Variants in CDS1 observed in about 807,000 individuals in gnomAD.
The protein encoded by CDS1 is phosphatidate cytidylyltransferase 1.
A neutral mutation model predicts 62.1 loss-of-function variants in CDS1; 41 were observed. That is an observed-to-expected ratio of 0.66 (90% confidence interval 0.51 to 0.86). The LOEUF (loss-of-function observed/expected upper bound fraction) is 0.86. CDS1 is among the 40% of genes least tolerant of loss of function. CDS1 has a pLI of 0.00. For missense variants in CDS1, 470 were observed against 550.1 expected (o/e 0.85, Z 1.46); for synonymous variants, 185 against 192.6 (o/e 0.96, Z 0.32).
At chr4:84,635,165 A>C in intron 7 of CDS1, 99 bp from the exon 8 acceptor site, 1 of 648,618 alleles carries the variant, frequency 1.5e-6, no homozygotes, top group Non-Finnish European at 2.7e-6. Flanking sequence ...CCAAAGGGTT[A>C]TTCTGATGGT....
At chr4:84,635,910 C>T (rs1578050341) in intron 8 of CDS1, among the ~76,000 whole-genome samples, 1 of 151,730 alleles carries the variant, frequency 6.6e-6, no homozygotes, top group East Asian at 1.9e-4. Context: ...GTGCATGCCA[C>T]CACACCCGGC....
At chr4:84,639,175 T>A (rs1426074444) in intron 9 of CDS1, among the ~76,000 whole-genome samples, 183 bp downstream of exon 9, 1 of 152,200 alleles carries the variant, frequency 6.6e-6, no homozygotes, top group Non-Finnish European at 1.5e-5. Context: ...TAGAATCACC[T>A]GAGAAGCTTA....
chr4:84,614,843 A>G (rs993286055), intron 3 of CDS1, among the ~76,000 whole-genome samples: 3 of 152,242 alleles, frequency 2.0e-5, no homozygotes, highest in African/African-American at 7.2e-5. Flanking sequence ...GAGAAATGCT[A>G]CATATTGTTT....
At position 84,648,632 on chromosome 4, in the gene CDS1, C is replaced by T; in HGVS notation, c.1332C>T (p.Thr444=). ...AACAGCAGTTAAATATATATAAAACCCTGAAGACTCATCTCATTGAGAAAG... is the reference window on the plus strand; with the variant it reads ...AACAGCAGTTAAATATATATAAAACTCTGAAGACTCATCTCATTGAGAAAG... The part of the protein sequence containing the change: ...QPEQQLNIYK[T]LKTHLIEKGI... The change falls in exon 13 of 13, where the codon ACC becomes ACT. Residue 444 remains threonine, a synonymous_variant. Coordinates refer to ENST00000295887, the MANE Select transcript of CDS1 (RefSeq NM_001263.4). 1 of 1,613,694 alleles carries T rather than the reference C, an allele frequency of 6.2e-7. No homozygotes were observed. Among genetic ancestry groups the T allele is most frequent in the Non-Finnish European group, 8.5e-7 (1 of 1,179,770 alleles).
At chr4:84,626,187 A>G (rs372554248) in intron 5 of CDS1, among the ~76,000 whole-genome samples, 117 of 152,156 alleles carry the variant, frequency 7.7e-4, no homozygotes, top group African/African-American at 2.8e-3. Context: ...AAACAAACAA[A>G]CAAAAAAAAC....
chr4:84,617,932 A>G (rs552998549), intron 4 of CDS1, among the ~76,000 whole-genome samples: 7 of 152,288 alleles, frequency 4.6e-5, no homozygotes, highest in African/African-American at 1.2e-4. Flanking sequence ...ATAAAAAACT[A>G]AACATTGTAT....
rs963329472 is a variant in CDS1 at position 84,651,068 on chromosome 4, T to C, written c.*2382T>C. ...TCTCTGACCTGTGGGATGCACATTCTTCCTCAGCGCTTTTTCCTTGTTGTG... is the reference window on the plus strand; with the variant it reads ...TCTCTGACCTGTGGGATGCACATTCCTCCTCAGCGCTTTTTCCTTGTTGTG... On this transcript the variant is annotated 3_prime_UTR_variant, in exon 13 of 13. Coordinates refer to ENST00000295887, the MANE Select transcript of CDS1 (RefSeq NM_001263.4). 2.0e-5 allele frequency: 3 copies of C among 152,230 alleles called. No individual in the cohort carries two copies. Among genetic ancestry groups the C allele is most frequent in the Non-Finnish European group, 4.4e-5 (3 of 68,030 alleles). The allele number at this position is 152,230 out of a possible 1,614,324, so 9.4% of individuals were successfully genotyped here.
chr4:84,588,707 A>G (rs1021723032), intron 1 of CDS1, among the ~76,000 whole-genome samples: 11 of 152,186 alleles, frequency 7.2e-5, no homozygotes, highest in Non-Finnish European at 1.5e-5. Context: ...GGGAGGAGTT[A>G]TCCAGTCATC....
Position 84,649,856 on chromosome 4 carries a change from A to T in CDS1, c.*1170A>T, listed in dbSNP as rs1578060667. The T allele has an allele frequency of 2.0e-5, 3 of 152,298 alleles. No individual in the cohort carries two copies. The highest frequency in any genetic ancestry group is 7.2e-5 in the African/African-American group (3 of 41,544). The allele number at this position is 152,298 out of a possible 1,614,324, so 9.4% of individuals were successfully genotyped here. On this transcript the variant is annotated 3_prime_UTR_variant, in exon 13 of 13. Transcript: ENST00000295887. ...CAAGCAGAATTGATTCCTACACGAA[A>T]AAAAAGCACACGAATGCCAAACCTT...
chr4:84,596,426 T>G (rs1017061444), intron 1 of CDS1, among the ~76,000 whole-genome samples: 1 of 152,194 alleles, frequency 6.6e-6, no homozygotes, highest in Admixed American at 6.5e-5. Context: ...CTTTTCTAGC[T>G]TCTAGAGGCT....
intron 5 of CDS1, among the ~76,000 whole-genome samples, chr4:84,624,632 A>C (rs529401348): frequency 6.6e-6 from 1 of 152,194 alleles, no homozygotes; most frequent in Non-Finnish European, 1.5e-5. Flanking sequence ...AATAGCTGAG[A>C]GGTAGAATGT....
At chr4:84,589,076 G>A (rs1431198038) in intron 1 of CDS1, among the ~76,000 whole-genome samples, 1 of 152,116 alleles carries the variant, frequency 6.6e-6, no homozygotes, top group Non-Finnish European at 1.5e-5. Flanking sequence ...TCACTGTTAT[G>A]ATTTTCTCAC....
At chr4:84,599,753 G>A (rs374827912) in intron 1 of CDS1, among the ~76,000 whole-genome samples, 8 of 152,036 alleles carry the variant, frequency 5.3e-5, no homozygotes, top group African/African-American at 1.4e-4. Flanking sequence ...ATATTCCACT[G>A]TATGAAAGTA....
At chr4:84,598,891 C>T (rs1047225372) in intron 1 of CDS1, among the ~76,000 whole-genome samples, 12 of 152,112 alleles carry the variant, frequency 7.9e-5, no homozygotes, top group Admixed American at 4.6e-4. Context: ...ATCCTTTGTT[C>T]CCTGAGCCCC....
chr4:84,629,748 A>C (rs150991929), intron 5 of CDS1, among the ~76,000 whole-genome samples: 1 of 152,210 alleles, frequency 6.6e-6, no homozygotes, highest in South Asian at 2.1e-4. Context: ...ATTGTATCCC[A>C]TAGGTGAAAT....
At position 84,619,468 on chromosome 4, in the gene CDS1, GAGA is replaced by G. The variant is rs1277849502; in HGVS notation, c.520_522del (p.Glu174del). Reference sequence around the variant, plus strand: ...GATTATTTTGCTACATTTGTTCAAAGAGAAGAACAACTTCAGTTCCTCATTCGC... The same window carrying G: ...GATTATTTTGCTACATTTGTTCAAAGAGAACAACTTCAGTTCCTCATTCGC... On this transcript the variant is annotated inframe_deletion, in exon 5 of 13. Coordinates refer to ENST00000295887, the MANE Select transcript of CDS1 (RefSeq NM_001263.4). 2 of 1,601,306 alleles carry G rather than the reference GAGA, an allele frequency of 1.2e-6. No homozygotes were observed. Among genetic ancestry groups the G allele is most frequent in the Non-Finnish European group, 1.7e-6 (2 of 1,170,150 alleles).
chr4:84,632,727 A>C (rs1724062023), intron 6 of CDS1, among the ~76,000 whole-genome samples: 1 of 152,240 alleles, frequency 6.6e-6, no homozygotes, highest in African/African-American at 2.4e-5. Flanking sequence ...TTTTTAAGCA[A>C]TCAGAGTAAA....
At position 84,588,276 on chromosome 4, in the gene CDS1, A is replaced by T. The variant is rs181808979; in HGVS notation, c.117+4758A>T. On this transcript the variant is annotated intron_variant, in intron 1 of 12. Coordinates refer to ENST00000295887, the MANE Select transcript of CDS1 (RefSeq NM_001263.4). ...GGTTTGTGAAGTTGAGGAGAAAACA[A>T]TCCAGAGATCAGTTAACGTCTCTCC... Among the ~76,000 whole-genome samples the T allele has an allele frequency of 3.2e-3, 481 of 152,318 alleles. 3 individuals carry two copies. The highest frequency in any genetic ancestry group is 0.011 in the African/African-American group (460 of 41,574).
In CDS1 at chr4:84,620,219, G is replaced by GTT. The variant is rs1209622035; in HGVS notation, c.580+706_580+707dup. ...GTAGAACTAATCAGGGTAATTAGTT[G>GTT]TTTTTTTTTTTTTTTTTTTTTGAGA... On this transcript the variant is annotated intron_variant, in intron 5 of 12. Transcript: ENST00000295887. Among the ~76,000 whole-genome samples, 482 of 110,236 alleles carry GTT rather than the reference G, an allele frequency of 4.4e-3. 1 individual carries two copies. The highest frequency in any genetic ancestry group is 5.3e-3 in the Middle Eastern group (1 of 188). The allele number at this position is 110,236 out of a possible 152,430, so 72.3% of individuals were successfully genotyped here.
Sources: allele counts gnomAD v4.1 joint callset (sites outside exome capture counted in the v4.1 genomes callset), GRCh38; gene constraint gnomAD v4.1.1; transcripts MANE v1.5; gene names NCBI Gene and HGNC (gene_info 2026-07-23, HGNC 2026-07-21).